The following FILIP1L variants were observed in gnomAD, a reference collection of about 807,000 sequenced individuals.
The protein encoded by FILIP1L is filamin A-interacting protein 1-like.
A neutral mutation model predicts 96.6 loss-of-function variants in FILIP1L; 55 were observed. The ratio of observed to expected loss-of-function variants is 0.57; its 90% confidence interval spans 0.46 to 0.71. The LOEUF (loss-of-function observed/expected upper bound fraction) is 0.71. Ranked by LOEUF, FILIP1L falls within the 30% of genes least tolerant of loss-of-function variation. The pLI, the probability that FILIP1L is intolerant of heterozygous loss-of-function variation, is 0.00. For missense variants in FILIP1L, 1,304 were observed against 1,321.2 expected (o/e 0.99, Z 0.20); for synonymous variants, 467 against 473.9 (o/e 0.99, Z 0.19).
At chr3:100,021,993 G>GAGAT (rs2064834013) in intron 1 of FILIP1L, among the ~76,000 whole-genome samples, 1 of 146,560 alleles carries the variant, frequency 6.8e-6, no homozygotes, top group Admixed American at 6.8e-5. Context: ...GAGAGAGAGA[G>GAGAT]ATATGAGGGG....
intron 1 of FILIP1L, among the ~76,000 whole-genome samples, chr3:99,936,651 C>T (rs1441932868): frequency 6.7e-6 from 1 of 149,784 alleles, no homozygotes; most frequent in South Asian, 2.1e-4. Flanking sequence ...GGATTACAGG[C>T]ATGAGCCACC....
intron 4 of FILIP1L, among the ~76,000 whole-genome samples, chr3:99,896,536 C>T (rs571505751): frequency 2.8e-4 from 43 of 152,080 alleles, no homozygotes; most frequent in African/African-American, 8.4e-4. Context: ...CAAAAGAGAA[C>T]GTAGTCAGGA....
At chr3:100,072,353 C>T (rs1464491002) in intron 1 of FILIP1L, among the ~76,000 whole-genome samples, 1 of 152,204 alleles carries the variant, frequency 6.6e-6, no homozygotes, top group Non-Finnish European at 1.5e-5. Context: ...TGGGCTCAAA[C>T]TTGAACATGG....
intron 1 of FILIP1L, among the ~76,000 whole-genome samples, chr3:99,989,289 A>G (rs1709443437): frequency 6.6e-6 from 1 of 152,160 alleles, no homozygotes; most frequent in African/African-American, 2.4e-5. Context: ...CTGCTTTCTC[A>G]GGGGCTCTTG....
chr3:100,056,847 A>G (rs1212794806), intron 1 of FILIP1L, among the ~76,000 whole-genome samples: 1 of 152,156 alleles, frequency 6.6e-6, no homozygotes, highest in Non-Finnish European at 1.5e-5. Context: ...TACTAAAAAT[A>G]CAAAAAATTA....
chr3:99,938,270 C>T (rs897839773), intron 1 of FILIP1L, among the ~76,000 whole-genome samples: 4 of 152,230 alleles, frequency 2.6e-5, no homozygotes, highest in African/African-American at 7.2e-5. Flanking sequence ...TGAGTATGCA[C>T]TACACTATTT....
chr3:99,861,964 T>C (rs1944281581), intron 4 of FILIP1L, among the ~76,000 whole-genome samples: 1 of 152,190 alleles, frequency 6.6e-6, no homozygotes, highest in Non-Finnish European at 1.5e-5. Context: ...ATAGGGTTGT[T>C]CTGAAGATTA....
At chr3:100,106,255 G>A (rs2107467160) in intron 1 of FILIP1L, among the ~76,000 whole-genome samples, 1 of 152,202 alleles carries the variant, frequency 6.6e-6, no homozygotes, top group Non-Finnish European at 1.5e-5. Context: ...TTCCAGCTGT[G>A]GAATACTCTC....
chr3:100,056,798 A>G (rs2065471694), intron 1 of FILIP1L, among the ~76,000 whole-genome samples: 1 of 151,976 alleles, frequency 6.6e-6, no homozygotes, highest in Non-Finnish European at 1.5e-5. Flanking sequence ...AGGTCAGGAG[A>G]TCGAGACCAT....
At chr3:100,102,133 C>G (rs186008345) in intron 1 of FILIP1L, among the ~76,000 whole-genome samples, 1 of 152,140 alleles carries the variant, frequency 6.6e-6, no homozygotes, top group Non-Finnish European at 1.5e-5. Context: ...TGGGTATATA[C>G]CCAGTAATGG....
At chr3:100,014,881 T>C (rs1710279992) in intron 1 of FILIP1L, among the ~76,000 whole-genome samples, 3 of 135,192 alleles carry the variant, frequency 2.2e-5, no homozygotes, top group Non-Finnish European at 4.8e-5. Flanking sequence ...TTTCTTTTTT[T>C]TTTTTCTTTC....
chr3:100,029,320 C>A (rs1296799759), intron 1 of FILIP1L, among the ~76,000 whole-genome samples: 3 of 151,870 alleles, frequency 2.0e-5, no homozygotes, highest in African/African-American at 7.3e-5. Context: ...TTGTTTTAGT[C>A]ACATAACACT....
intron 4 of FILIP1L, chr3:99,876,227 T>C: frequency 1.0e-6 from 1 of 985,190 alleles, no homozygotes; most frequent in Non-Finnish European, 1.2e-6. Flanking sequence ...TGTTCTGCCT[T>C]ATAAGGCGCT....
chr3:99,988,322 C>A (rs1430927202), intron 1 of FILIP1L, among the ~76,000 whole-genome samples: 27 of 146,536 alleles, frequency 1.8e-4, no homozygotes, highest in Non-Finnish European at 3.3e-4. Context: ...ATGACAAAAC[C>A]CCACCTCTAC....
At position 100,074,675 on chromosome 3, in the gene FILIP1L, A is replaced by ATTTTTTTTTTTTTTTTTTTTTTTTTT. The variant is rs555819875; in HGVS notation, c.-11+39352_-11+39377dup. ...ATTTTCTATGCATGTGCAACATTTG[A>ATTTTTTTTTTTTTTTTTTTTTTTTTT]TTTTTTTTTTTTTTTTTTTTTTTTT... On this transcript the variant is annotated intron_variant, in intron 1 of 5. Transcript: ENST00000477258. Among the ~76,000 whole-genome samples, 13 of 34,800 alleles carry ATTTTTTTTTTTTTTTTTTTTTTTTTT rather than the reference A, an allele frequency of 3.7e-4. 5 individuals carry two copies. The highest frequency in any genetic ancestry group is 2.1e-3 in the East Asian group (2 of 942). 22.8% of individuals were successfully genotyped at this position (34,800 alleles called of 152,430 possible).
intron 1 of FILIP1L, among the ~76,000 whole-genome samples, chr3:100,109,203 G>A (rs1052175949): frequency 6.6e-6 from 1 of 150,972 alleles, no homozygotes; most frequent in Non-Finnish European, 1.5e-5. Flanking sequence ...TTTTTCTTTT[G>A]TGTGTTTTAA....
intron 4 of FILIP1L, among the ~76,000 whole-genome samples, chr3:99,900,391 A>G (rs1022948563): frequency 2.0e-5 from 3 of 152,206 alleles, no homozygotes; most frequent in African/African-American, 7.2e-5. Flanking sequence ...AATTCATTTA[A>G]TCTTTACAGC....
intron 1 of FILIP1L, among the ~76,000 whole-genome samples, chr3:99,965,528 A>G (rs1048422603): frequency 2.0e-5 from 3 of 152,134 alleles, no homozygotes; most frequent in Non-Finnish European, 2.9e-5. Context: ...ACTTTTCTTC[A>G]TTTGTTTGTT....
intron 5 of FILIP1L, among the ~76,000 whole-genome samples, chr3:99,837,741 T>G (rs942493847): frequency 1.3e-5 from 2 of 152,234 alleles, no homozygotes; most frequent in Non-Finnish European, 2.9e-5. Context: ...AGTGCCAGTC[T>G]TATTAAGTTA....
Sources: gnomAD v4.1 joint callset for allele counts (sites outside exome capture counted in the v4.1 genomes callset) on GRCh38, gnomAD v4.1.1 for gene constraint, MANE v1.5 for transcripts, NCBI Gene and HGNC (gene_info 2026-07-23, HGNC 2026-07-21) for gene names.